The following OR51M1 variants were observed in gnomAD, a reference collection of about 807,000 sequenced individuals.
OR51M1 encodes the protein olfactory receptor 51M1.
For synonymous variants in OR51M1, 199 were observed against 155.1 expected (o/e 1.28, Z -2.10); for missense variants, 509 against 404.4 (o/e 1.26, Z -2.22).
chr11:5,385,849 T>G (rs1164471145), intron 2 of OR51M1, among the ~76,000 whole-genome samples: 1 of 144,564 alleles, frequency 6.9e-6, no homozygotes, highest in African/African-American at 2.5e-5. Flanking sequence ...TATACTAAAA[T>G]GTATATTCTA....
chr11:5,390,320 A>C lies in OR51M1; in HGVS notation c.922A>C (p.Thr308Pro). ...TAACCCAATCATATACAGCATTAAG[A>C]CCAAGGAGATCCACCGTGCCATTAT... Reference protein sequence around the residue: ...MLNPIIYSIKTKEIHRAIIKF... With the variant: ...MLNPIIYSIKPKEIHRAIIKF... Residue 308 changes from threonine to proline, a missense_variant, in exon 3 of 3, where the codon ACC becomes CCC. Thr to Pro is a conservative substitution (Grantham distance 38, BLOSUM62 -1). Transcript: ENST00000642046. The C allele has an allele frequency of 1.2e-6, 2 of 1,613,420 alleles. No homozygotes were observed. The highest frequency in any genetic ancestry group is 1.7e-6 in the Non-Finnish European group (2 of 1,179,636).
Position 5,390,683 on chromosome 11 carries a change from A to C in OR51M1, c.*304A>C. The C allele has an allele frequency of 3.4e-6, 1 of 293,714 alleles. No individual in the cohort carries two copies. The allele number at this position is 293,714 out of a possible 1,614,324, so 18.2% of individuals were successfully genotyped here. On this transcript the variant is annotated 3_prime_UTR_variant, in exon 3 of 3. Transcript: ENST00000642046. ...CTAAAATGAAACTAAATAAAAACTA[A>C]AAAGAACAATAAATACCAGAGCACC... is the stretch of plus-strand genomic sequence containing the variant.
Position 5,389,599 on chromosome 11 carries a change from G to A in OR51M1, c.201G>A (p.Leu67=). The A allele has an allele frequency of 1.9e-6, 3 of 1,613,730 alleles. No individual in the cohort carries two copies. Among genetic ancestry groups the A allele is most frequent in the Non-Finnish European group, 2.5e-6 (3 of 1,179,878 alleles). ...TCATTATTAAGACCAACCCTCGTCT[G>A]CACACACCCATGTACTATCTACTAT... ...ILIIIKTNPR[L]HTPMYYLLSL... Residue 67 remains leucine, a synonymous_variant, in exon 3 of 3, where the codon CTG becomes CTA. Coordinates refer to ENST00000642046, the MANE Select transcript of OR51M1 (RefSeq NM_001004756.3).
At chr11:5,388,821 G>A (rs1849743696) in intron 2 of OR51M1, among the ~76,000 whole-genome samples, 1 of 152,064 alleles carries the variant, frequency 6.6e-6, no homozygotes, top group Non-Finnish European at 1.5e-5. Flanking sequence ...CAATGAAGGT[G>A]ACGGTGAGTA....
chr11:5,384,398 T>C (rs556655690), intron 1 of OR51M1, among the ~76,000 whole-genome samples: 184 of 152,302 alleles, frequency 1.2e-3, no homozygotes, highest in African/African-American at 4.2e-3. Context: ...TCTCACAGAA[T>C]CTCTTCTGAT....
In OR51M1 at chr11:5,390,043, AG is replaced by A; in HGVS notation, c.646del (p.Val216PhefsTer4). On this transcript the variant is annotated frameshift_variant, in exon 3 of 3. Transcript: ENST00000642046. LOFTEE classifies it low-confidence loss of function (END_TRUNC). Reference protein sequence around the residue: ...FNNLYGLMVVVFTVMLDLVLI... With the variant: ...FNNLYGLMVVXFTVMLDLVLI... ...ATAATCTGTATGGACTGATGGTGGT[AG>A]TTTTCACTGTGATGCTGGACCTGGT... is the stretch of plus-strand genomic sequence containing the variant. 1 of 1,613,668 alleles carries A rather than the reference AG, an allele frequency of 6.2e-7. No homozygotes were observed. Among genetic ancestry groups the A allele is most frequent in the South Asian group, 1.1e-5 (1 of 91,086 alleles).
rs1266857987 is a variant in OR51M1, at chr11:5,389,765, G to C, written c.367G>C (p.Glu123Gln). Residue 123 changes from glutamate to glutamine, a missense_variant, in exon 3 of 3, where the codon GAG becomes CAG. By Grantham distance (29) the Glu-to-Gln change is conservative. Coordinates refer to ENST00000642046, the MANE Select transcript of OR51M1 (RefSeq NM_001004756.3). ...MFCIHSFSFM[E>Q]SSVLLMMSFD... ...CTGCATCCACTCTTTTTCCTTCATG[G>C]AGTCCTCAGTGCTCCTCATGATGTC... 14 of 1,613,806 alleles carry C rather than the reference G, an allele frequency of 8.7e-6. No homozygotes were observed. Among genetic ancestry groups the C allele is most frequent in the Non-Finnish European group, 1.1e-5 (13 of 1,179,884 alleles).
chr11:5,385,816 G>A (rs1849683243), intron 2 of OR51M1, among the ~76,000 whole-genome samples: 1 of 148,426 alleles, frequency 6.7e-6, no homozygotes. Context: ...AATCTATAAA[G>A]TATATAAAGA....
chr11:5,389,407 C>G lies in OR51M1; in HGVS notation c.9C>G (p.Val3=). 6.2e-7 allele frequency: 1 copy of G among 1,612,164 alleles called. No homozygotes were observed. Reference sequence around the variant, plus strand: ...AGCTCAATCCCCGAGGAATGTCAGTCCAATATTCGCTCAGTCCTCAATTCA... The same window carrying G: ...AGCTCAATCCCCGAGGAATGTCAGTGCAATATTCGCTCAGTCCTCAATTCA... MS[V]QYSLSPQFML... Residue 3 remains valine (V), a synonymous_variant, in exon 3 of 3, where the codon GTC becomes GTG. Transcript: ENST00000642046.
chr11:5,391,817 G>A lies in OR51M1; in HGVS notation c.*1438G>A, dbSNP rs1425314776. On this transcript the variant is annotated 3_prime_UTR_variant, in exon 3 of 3. Transcript: ENST00000642046. ...AAGGTGGGAGGATTGCTGAAGGCCA[G>A]GAGTTTGAGACCAACTTCAGGCAAG... The A allele has an allele frequency of 6.6e-6, 1 of 152,302 alleles. No homozygotes were observed. The highest frequency in any genetic ancestry group is 1.5e-5 in the Non-Finnish European group (1 of 68,136). The allele number at this position is 152,302 out of a possible 1,614,324, so 9.4% of individuals were successfully genotyped here.
At chr11:5,388,838 C>T (rs1589969134) in intron 2 of OR51M1, among the ~76,000 whole-genome samples, 1 of 151,884 alleles carries the variant, frequency 6.6e-6, no homozygotes, top group Non-Finnish European at 1.5e-5. Context: ...AGTAAACAGA[C>T]TTGAGGTATT....
chr11:5,390,315 T>G lies in OR51M1; in HGVS notation c.917T>G (p.Ile306Ser). 1 of 1,613,634 alleles carries G rather than the reference T, an allele frequency of 6.2e-7. No individual in the cohort carries two copies. The highest frequency in any genetic ancestry group is 1.1e-5 in the South Asian group (1 of 90,988). The stretch of plus-strand genomic sequence containing the variant: ...ATGCTTAACCCAATCATATACAGCA[T>G]TAAGACCAAGGAGATCCACCGTGCC... ...PPMLNPIIYS[I>S]KTKEIHRAII... The change falls in exon 3 of 3, where the codon ATT becomes AGT. Residue 306 changes from isoleucine to serine, a missense_variant. Physicochemically the swap from Ile to Ser is moderately radical, Grantham distance 142. Transcript: ENST00000642046.
In OR51M1 at chr11:5,389,284, G is replaced by A. The variant is rs1277449517; in HGVS notation, c.-15-100G>A. 3 of 1,006,476 alleles carry A rather than the reference G, an allele frequency of 3.0e-6. No homozygotes were observed. In the African/African-American group the frequency reaches 4.8e-5, roughly 16 times the overall value. The allele number at this position is 1,006,476 out of a possible 1,614,324, so 62.3% of individuals were successfully genotyped here. On this transcript the variant is annotated intron_variant, in intron 2 of 2. Transcript: ENST00000642046. Reference sequence around the variant, plus strand: ...TGGCAGAATTCATAAGGGTGGAGTAGATAATACTAAAGGTGATGATGACCA... The same window carrying A: ...TGGCAGAATTCATAAGGGTGGAGTAAATAATACTAAAGGTGATGATGACCA...
rs923901224 is a variant in OR51M1 at position 5,389,917 on chromosome 11, C to T, written c.519C>T (p.Leu173=). The T allele has an allele frequency of 2.5e-6, 4 of 1,611,736 alleles. No individual in the cohort carries two copies. Among genetic ancestry groups the T allele is most frequent in the East Asian group, 2.2e-5 (1 of 44,884 alleles). The change falls in exon 3 of 3, where the codon CTC becomes CTT. Residue 173 remains leucine, a synonymous_variant. Transcript: ENST00000642046. ...CTGTGGCCACTATCCCTATTGTCCT[C>T]CTCCTGAAGGCTTTTCCCTACTGTG... is the stretch of plus-strand genomic sequence containing the variant. ...RGPVATIPIV[L]LLKAFPYCGS...
intron 2 of OR51M1, among the ~76,000 whole-genome samples, 156 bp downstream of exon 2, chr11:5,385,614 T>G (rs1208557546): frequency 3.9e-5 from 6 of 152,024 alleles, no homozygotes; most frequent in African/African-American, 1.2e-4. Context: ...TGGTGAAAAA[T>G]TAATGGCAGT....
At position 5,390,259 on chromosome 11, in the gene OR51M1, T is replaced by A; in HGVS notation, c.861T>A (p.Leu287=). 2 of 1,614,018 alleles carry A rather than the reference T, an allele frequency of 1.2e-6. No individual in the cohort carries two copies. The highest frequency in any genetic ancestry group is 1.7e-6 in the Non-Finnish European group (2 of 1,179,900). Residue 287 remains leucine (L), a synonymous_variant, in exon 3 of 3, where the codon CTT becomes CTA. Transcript: ENST00000642046. ...ATGCCCCACCTGCTATTCATCTTCT[T>A]ATGGCCAATGTCTACCTTTTTGTGC... is the stretch of plus-strand genomic sequence containing the variant. ...GKHAPPAIHL[L]MANVYLFVPP...
At chr11:5,384,199 A>T (rs1223298732) in intron 1 of OR51M1, among the ~76,000 whole-genome samples, 2 of 152,026 alleles carry the variant, frequency 1.3e-5, no homozygotes, top group Admixed American at 6.6e-5. Flanking sequence ...TTTAGAAATG[A>T]GGTCTAGCTC....
intron 2 of OR51M1, among the ~76,000 whole-genome samples, chr11:5,385,944 C>CTA (rs35325523): frequency 0.41 from 61,200 of 147,790 alleles, 12,793 homozygotes; most frequent in South Asian, 0.53. Context: ...TAAGTATGTT[C>CTA]TATATATATA....
At chr11:5,384,583 A>T (rs750790991) in intron 1 of OR51M1, among the ~76,000 whole-genome samples, 1 of 152,212 alleles carries the variant, frequency 6.6e-6, no homozygotes, top group Non-Finnish European at 1.5e-5. Flanking sequence ...TCCCTGGATC[A>T]TGTCTAGAAG....
Sources: allele counts gnomAD v4.1 joint callset (sites outside exome capture counted in the v4.1 genomes callset), GRCh38; gene constraint gnomAD v4.1.1; transcripts MANE v1.5; gene names NCBI Gene and HGNC (gene_info 2026-07-23, HGNC 2026-07-21).